Variants in LY9 observed in about 807,000 individuals in gnomAD.
The protein encoded by LY9 is T-lymphocyte surface antigen Ly-9.
Under a neutral mutation model 64.6 loss-of-function variants are expected in LY9, and 59 were observed. The observed-to-expected ratio is 0.91, with a 90% CI of 0.74 to 1.13. LY9 has a LOEUF of 1.13. Ranked by LOEUF, LY9 falls within the 50% of genes most tolerant of loss-of-function variation. The pLI is 0.00. For missense variants in LY9, 789 were observed against 797.2 expected (o/e 0.99, Z 0.12); for synonymous variants, 281 against 308.5 (o/e 0.91, Z 0.93).
At chr1:160,799,711 G>A (rs1570965211) in intron 1 of LY9, 42 bp from the exon 2 acceptor site, 2 of 1,243,016 alleles carry the variant, frequency 1.6e-6, no homozygotes, top group Non-Finnish European at 2.3e-6. Flanking sequence ...GCTAGCTCAA[G>A]GAGTCTAGCT....
chr1:160,815,149 T>G, intron 4 of LY9: 1 of 187,372 alleles, frequency 5.3e-6, no homozygotes. Flanking sequence ...GAGACCAGGC[T>G]GGCCAACATG....
chr1:160,822,031 A>G (rs1254375763), intron 7 of LY9, among the ~76,000 whole-genome samples: 1 of 152,210 alleles, frequency 6.6e-6, no homozygotes, highest in East Asian at 1.9e-4. Flanking sequence ...AAGCATTTAG[A>G]ACTGTGCCTC....
chr1:160,821,870 T>A (rs977909867), intron 7 of LY9, among the ~76,000 whole-genome samples: 1 of 152,230 alleles, frequency 6.6e-6, no homozygotes. Context: ...GGGACAAGAC[T>A]AGCTGTAGTC....
chr1:160,813,617 C>T lies in LY9; in HGVS notation c.455-19C>T, dbSNP rs759284708. The stretch of plus-strand genomic sequence containing the variant: ...TGGCAAAAGGATCTGAGCATCTTCC[C>T]ATGCTGTTGTCCCTGCAGAGCAGCT... On this transcript the variant is annotated intron_variant, in intron 2 of 9. Coordinates refer to ENST00000263285, the MANE Select transcript of LY9 (RefSeq NM_002348.4). The T allele has an allele frequency of 1.6e-5, 26 of 1,606,084 alleles. No individual in the cohort carries two copies. The highest frequency in any genetic ancestry group is 3.3e-4 in the Middle Eastern group (2 of 6,042).
Position 160,813,649 on chromosome 1 carries a change from GCCC to G in LY9, c.470_472del (p.Pro157del). 6.2e-7 allele frequency: 1 copy of G among 1,613,774 alleles called. No homozygotes were observed. Among genetic ancestry groups the G allele is most frequent in the Non-Finnish European group, 8.5e-7 (1 of 1,179,774 alleles). On this transcript the variant is annotated inframe_deletion, in exon 3 of 10. Transcript: ENST00000263285. Reference sequence around the variant, plus strand: ...TTGTCCCTGCAGAGCAGCTGCAGGAGCCCCAAGTCACCATGAAGTCTGTGAAGG... The same window carrying G: ...TTGTCCCTGCAGAGCAGCTGCAGGAGCAAGTCACCATGAAGTCTGTGAAGG...
intron 1 of LY9, 128 bp from the exon 2 acceptor site, chr1:160,799,625 A>AG: frequency 1.5e-6 from 1 of 646,234 alleles, no homozygotes; most frequent in Non-Finnish European, 2.7e-6. Context: ...TAGAAGAAGG[A>AG]GGACAAGAAT....
intron 2 of LY9, among the ~76,000 whole-genome samples, chr1:160,801,027 A>C (rs1413364171): frequency 6.6e-6 from 1 of 152,260 alleles, no homozygotes; most frequent in Non-Finnish European, 1.5e-5. Context: ...AAACATACAA[A>C]TGCAGGTATT....
chr1:160,809,370 C>G (rs1667283226), intron 2 of LY9, among the ~76,000 whole-genome samples: 1 of 146,376 alleles, frequency 6.8e-6, no homozygotes, highest in South Asian at 2.1e-4. Context: ...ATTACTACTA[C>G]TATTACCAGT....
Position 160,799,997 on chromosome 1 carries a change from G to A in LY9, c.369G>A (p.Leu123=), listed in dbSNP as rs111467651. Residue 123 remains leucine (L), a synonymous_variant, in exon 2 of 10, where the codon CTG becomes CTA. Transcript: ENST00000263285. ...CCCTGTGCATCAGCAATCTGACTCT[G>A]AATGATGCAGGATCCTACAAAGCCC... is the stretch of plus-strand genomic sequence containing the variant. ...SYSLCISNLT[L]NDAGSYKAQI... 59 of 1,614,192 alleles carry A rather than the reference G, an allele frequency of 3.7e-5. No individual in the cohort carries two copies. The African/African-American group carries it at 5.9e-4, about 16-fold the overall frequency.
At position 160,818,306 on chromosome 1, in the gene LY9, G is replaced by A; in HGVS notation, c.1431G>A (p.Lys477=). The change falls in exon 6 of 10, where the codon AAG becomes AAA. Residue 477 remains lysine (K), a synonymous_variant. Coordinates refer to ENST00000263285, the MANE Select transcript of LY9 (RefSeq NM_002348.4). ...CVGIFSWCIW[K]RKGRCSVPAF... is the part of the protein sequence containing the mutation. Reference sequence around the variant, plus strand: ...GGATCTTCAGCTGGTGCATTTGGAAGCGAAAAGGACGGTGTGAGTTTCCGA... The same window carrying A: ...GGATCTTCAGCTGGTGCATTTGGAAACGAAAAGGACGGTGTGAGTTTCCGA... 6.2e-7 allele frequency: 1 copy of A among 1,613,820 alleles called. No individual in the cohort carries two copies. Among genetic ancestry groups the A allele is most frequent in the Non-Finnish European group, 8.5e-7 (1 of 1,179,722 alleles).
At chr1:160,801,896 T>C in intron 2 of LY9, 1 of 1,613,864 alleles carries the variant, frequency 6.2e-7, no homozygotes, top group South Asian at 1.1e-5. Flanking sequence ...CTGAGCCACG[T>C]GTGAGCGTGC....
chr1:160,823,352 G>C (rs912638486), intron 7 of LY9, 113 bp from the exon 8 acceptor site: 3 of 693,164 alleles, frequency 4.3e-6, no homozygotes, highest in Non-Finnish European at 7.2e-6. Flanking sequence ...AATCTCCTTC[G>C]GTTCTCTAGG....
intron 2 of LY9, chr1:160,801,973 C>A: frequency 2.5e-6 from 4 of 1,591,332 alleles, no homozygotes; most frequent in Non-Finnish European, 3.4e-6. Flanking sequence ...CTCACCGCCG[C>A]GCAGCAGAGC....
chr1:160,809,154 T>C (rs1260386158), intron 2 of LY9, among the ~76,000 whole-genome samples: 2 of 151,798 alleles, frequency 1.3e-5, no homozygotes, highest in Non-Finnish European at 2.9e-5. Context: ...AGAATATATA[T>C]ATGGGGTCAA....
At chr1:160,796,764 A>G (rs1395827936) in intron 1 of LY9, among the ~76,000 whole-genome samples, 1 of 152,194 alleles carries the variant, frequency 6.6e-6, no homozygotes, top group Non-Finnish European at 1.5e-5. Context: ...TGAAGGGGGT[A>G]ACATTCTAGC....
chr1:160,808,030 G>A (rs756353383), intron 2 of LY9, among the ~76,000 whole-genome samples: 9 of 152,144 alleles, frequency 5.9e-5, no homozygotes, highest in Non-Finnish European at 2.9e-5. Context: ...GAGAAGGTGA[G>A]GCCAGGTTCA....
chr1:160,810,754 C>T (rs1234919063), intron 2 of LY9: 1 of 152,070 alleles, frequency 6.6e-6, no homozygotes, highest in South Asian at 2.1e-4. Context: ...GTCCAAAATC[C>T]ATCTAAATAT....
intron 2 of LY9, among the ~76,000 whole-genome samples, chr1:160,808,904 G>A (rs770608993): frequency 1.3e-4 from 19 of 151,894 alleles, no homozygotes; most frequent in Admixed American, 1.0e-3. Context: ...TATATTGATC[G>A]TTTTTCACCT....
At chr1:160,820,559 G>A (rs932899648) in intron 7 of LY9, among the ~76,000 whole-genome samples, 1 of 152,160 alleles carries the variant, frequency 6.6e-6, no homozygotes, top group African/African-American at 2.4e-5. Context: ...CAAGAGACAG[G>A]GGGCAAGGAA....
Sources: allele counts gnomAD v4.1 joint callset (sites outside exome capture counted in the v4.1 genomes callset), GRCh38; gene constraint gnomAD v4.1.1; transcripts MANE v1.5; gene names NCBI Gene and HGNC (gene_info 2026-07-23, HGNC 2026-07-21).